PTAFR: variants seen among roughly 807,000 people sequenced by gnomAD.
PTAFR encodes the protein platelet-activating factor receptor.
Under a neutral mutation model 14.7 loss-of-function variants are expected in PTAFR, and 8 were observed. That is an observed-to-expected ratio of 0.54 (90% confidence interval 0.32 to 0.98). The LOEUF is 0.98. Ranked by LOEUF, PTAFR falls within the 50% of genes least tolerant of loss-of-function variation. PTAFR has a pLI of 0.04. For missense variants in PTAFR, 337 were observed against 451.2 expected, an observed-to-expected ratio of 0.75 and a Z score of 2.29; for synonymous variants, 156 against 176.5, an observed-to-expected ratio of 0.88 and a Z score of 0.92.
chr1:28,161,506 T>A (rs1387316197), intron 1 of PTAFR, among the ~76,000 whole-genome samples: 1 of 152,180 alleles, frequency 6.6e-6, no homozygotes, highest in East Asian at 1.9e-4. Flanking sequence ...ATGGCTTTTT[T>A]TTTATTTTTA....
intron 1 of PTAFR, among the ~76,000 whole-genome samples, chr1:28,169,256 T>A (rs149166551): frequency 6.7e-6 from 1 of 148,868 alleles, no homozygotes; most frequent in Non-Finnish European, 1.5e-5. Context: ...TCAAAATGCA[T>A]GCTAAGAGAG....
At chr1:28,162,815 C>A (rs149113023) in intron 1 of PTAFR, among the ~76,000 whole-genome samples, 3,654 of 122,526 alleles carry the variant, frequency 0.03, 175 homozygotes, top group African/African-American at 0.11. Flanking sequence ...GGCGACAGAG[C>A]GAGACTTTGT....
intron 1 of PTAFR, among the ~76,000 whole-genome samples, chr1:28,176,220 A>G (rs867300829): frequency 1.3e-5 from 2 of 152,124 alleles, no homozygotes; most frequent in Non-Finnish European, 1.5e-5. Flanking sequence ...AGGCAGGCTG[A>G]TTGCTTGAGC....
chr1:28,155,634 G>T (rs1271805689), intron 1 of PTAFR, among the ~76,000 whole-genome samples: 3 of 152,138 alleles, frequency 2.0e-5, no homozygotes, highest in African/African-American at 7.2e-5. Flanking sequence ...GGAGGCCAAG[G>T]CAGGCAGATT....
Position 28,150,286 on chromosome 1 carries a change from C to T in PTAFR, c.736G>A (p.Val246Met), listed in dbSNP as rs1268668884. ...GGCAGCTGCACCACGTGGTGGGGCACGAAGCAGATGATGAACACCGCCAAG... is the reference window on the plus strand; with the variant it reads ...GGCAGCTGCACCACGTGGTGGGGCATGAAGCAGATGATGAACACCGCCAAG... ...TVLAVFIICFVPHHVVQLPWT... is the reference protein window; with the variant it reads ...TVLAVFIICFMPHHVVQLPWT... The change falls in exon 2 of 2, where the codon GTG (valine) becomes ATG (methionine). Residue 246 changes from valine to methionine, a missense_variant. Coordinates refer to ENST00000373857, the MANE Select transcript of PTAFR (RefSeq NM_000952.5). The surrounding 1 kb of genome is among the most constrained non-coding windows in gnomAD (Gnocchi z 6.3). 11 of 1,611,598 alleles carry T rather than the reference C, an allele frequency of 6.8e-6. No homozygotes were observed. The highest frequency in any genetic ancestry group is 2.2e-5 in the East Asian group (1 of 44,860).
intron 1 of PTAFR, among the ~76,000 whole-genome samples, chr1:28,158,526 T>C (rs1048966688): frequency 3.3e-5 from 5 of 152,138 alleles, no homozygotes; most frequent in Admixed American, 2.0e-4. Flanking sequence ...GGTGAAACCC[T>C]GTCTCTACTA....
rs143590918 is a variant in PTAFR at position 28,150,971 on chromosome 1, G to A, written c.51C>T (p.Leu17=). 2.2e-5 allele frequency: 36 copies of A among 1,612,772 alleles called. No individual in the cohort carries two copies. Among genetic ancestry groups the A allele is most frequent in the African/African-American group, 8.0e-5 (6 of 74,896 alleles). ...SHMDSEFRYT[L]FPIVYSIIFV... Reference sequence around the variant, plus strand: ...AGATGATGCTGTAAACAATCGGGAAGAGAGTGTATCGGAACTCAGAGTCCA... The same window carrying A: ...AGATGATGCTGTAAACAATCGGGAAAAGAGTGTATCGGAACTCAGAGTCCA... The change falls in exon 2 of 2, where the codon CTC becomes CTT. Residue 17 remains leucine, a synonymous_variant. Coordinates refer to ENST00000373857, the MANE Select transcript of PTAFR (RefSeq NM_000952.5). The surrounding 1 kb of genome is among the most constrained non-coding windows in gnomAD (Gnocchi z 6.3).
chr1:28,177,366 T>C (rs1247993288), upstream of PTAFR, among the ~76,000 whole-genome samples: 2 of 152,096 alleles, frequency 1.3e-5, no homozygotes, highest in Non-Finnish European at 2.9e-5. Flanking sequence ...CCAAGAAACA[T>C]TGAGCCCAGA....
chr1:28,189,315 G>T (rs1646631794), intron 1 of PTAFR, among the ~76,000 whole-genome samples: 1 of 152,070 alleles, frequency 6.6e-6, no homozygotes, highest in African/African-American at 2.4e-5. Context: ...TAATAACAAA[G>T]ATAATAAACA....
intron 1 of PTAFR, among the ~76,000 whole-genome samples, chr1:28,156,562 G>A (rs1316176169): frequency 6.6e-6 from 1 of 152,100 alleles, no homozygotes; most frequent in Non-Finnish European, 1.5e-5. Context: ...TTATTATTGG[G>A]TGTTTTTGTT....
chr1:28,186,788 G>A (rs1208255850), intron 1 of PTAFR, among the ~76,000 whole-genome samples: 1 of 152,086 alleles, frequency 6.6e-6, no homozygotes, highest in Admixed American at 6.6e-5. Context: ...AACCCGGGGT[G>A]GTGGCACACG....
intron 1 of PTAFR, among the ~76,000 whole-genome samples, chr1:28,186,194 A>G (rs767018318): frequency 6.6e-6 from 1 of 152,180 alleles, no homozygotes; most frequent in Non-Finnish European, 1.5e-5. Flanking sequence ...CATGTTGGTC[A>G]GGCTGGTCTC....
intron 1 of PTAFR, among the ~76,000 whole-genome samples, chr1:28,171,138 C>T (rs1044870341): frequency 6.6e-6 from 1 of 151,910 alleles, no homozygotes; most frequent in East Asian, 1.9e-4. Flanking sequence ...GCCTGGCCAA[C>T]ATGACGAAAC....
upstream of PTAFR, among the ~76,000 whole-genome samples, chr1:28,178,507 C>T (rs1220573039): frequency 6.6e-6 from 1 of 151,948 alleles, no homozygotes; most frequent in Non-Finnish European, 1.5e-5. Context: ...ATGATCTGCC[C>T]ACCTCAGCCT....
intron 1 of PTAFR, among the ~76,000 whole-genome samples, chr1:28,182,591 T>C (rs1009341521): frequency 2.7e-5 from 4 of 150,414 alleles, no homozygotes; most frequent in African/African-American, 9.8e-5. Flanking sequence ...AGACCCTGTC[T>C]CTTAAAAAAA....
chr1:28,176,460 A>AAG (rs1553165816), intron 1 of PTAFR, 132 bp downstream of exon 1: 16 of 153,210 alleles, frequency 1.0e-4, no homozygotes, highest in Non-Finnish European at 1.5e-5. Context: ...AAAAAAAAAA[A>AAG]AAAAAGAAAA....
chr1:28,182,304 G>T (rs940160509), intron 1 of PTAFR, among the ~76,000 whole-genome samples: 1 of 151,678 alleles, frequency 6.6e-6, no homozygotes, highest in African/African-American at 2.4e-5. Flanking sequence ...CCACTGCACT[G>T]CAGTCTGAGT....
chr1:28,168,083 C>G lies in PTAFR; in HGVS notation c.-39+8509G>C, dbSNP rs771914341. 2.5e-4 allele frequency among the ~76,000 whole-genome samples: 37 copies of G among 150,628 alleles called. 1 individual carries two copies. The highest frequency in any genetic ancestry group is 4.9e-4 in the Non-Finnish European group (33 of 67,696). On this transcript the variant is annotated intron_variant, in intron 1 of 1. Coordinates refer to ENST00000373857, the MANE Select transcript of PTAFR (RefSeq NM_000952.5). ...ACGCCATTCTCCCGCCTCAGTCTCC[C>G]GAGTAGCTGGGACTACAGGTGCCCG...
chr1:28,166,542 G>A (rs1646387049), intron 1 of PTAFR, among the ~76,000 whole-genome samples: 1 of 152,022 alleles, frequency 6.6e-6, no homozygotes, highest in African/African-American at 2.4e-5. Flanking sequence ...ATGATGGCGG[G>A]TGCCTGTAAT....
Sources: allele counts gnomAD v4.1 joint callset (sites outside exome capture counted in the v4.1 genomes callset), GRCh38; gene constraint gnomAD v4.1.1; non-coding constraint Gnocchi (gnomAD v3.1); transcripts MANE v1.5; gene names NCBI Gene and HGNC (gene_info 2026-07-23, HGNC 2026-07-21).